The following GRIK2 variants were observed in gnomAD, a reference collection of about 807,000 sequenced individuals.
The protein encoded by GRIK2 is glutamate ionotropic receptor kainate type subunit 2.
In GRIK2, 32 loss-of-function variants were observed where a neutral mutation model predicts 100.3. That is an observed-to-expected ratio of 0.32 (90% CI 0.24 to 0.43). The LOEUF (loss-of-function observed/expected upper bound fraction) is 0.43. GRIK2 is among the 20% of genes least tolerant of loss of function. GRIK2 has a pLI of 1.00. For missense variants in GRIK2, 843 were observed against 1,114.9 expected (o/e 0.76, Z 3.47); for synonymous variants, 417 against 389.4 (o/e 1.07, Z -0.83).
chr6:101,494,867 G>A (rs1481418320), intron 2 of GRIK2, among the ~76,000 whole-genome samples: 1 of 151,066 alleles, frequency 6.6e-6, no homozygotes, highest in Non-Finnish European at 1.5e-5. Flanking sequence ...CTGGGAGGTG[G>A]AGGTTGTAGT....
rs190201685 is a variant in GRIK2, at chr6:101,817,559, G to A, written c.1204-811G>A. 2.6e-3 allele frequency among the ~76,000 whole-genome samples: 398 copies of A among 152,252 alleles called. 4 individuals are homozygous for A. The highest frequency in any genetic ancestry group is 3.8e-3 in the Admixed American group (58 of 15,288). ...CTGCTGATCATTGTTATATGATAGT[G>A]CAATGGTATAAGTGTCAATAAACCA... On this transcript the variant is annotated intron_variant, in intron 9 of 16. Coordinates refer to ENST00000369134, the MANE Select transcript of GRIK2 (RefSeq NM_021956.5).
At chr6:101,859,681 T>A (rs948634171) in intron 11 of GRIK2, among the ~76,000 whole-genome samples, 188 bp downstream of exon 11, 1 of 152,198 alleles carries the variant, frequency 6.6e-6, no homozygotes, top group Non-Finnish European at 1.5e-5. Flanking sequence ...TATATAGCCC[T>A]ATATATGTAA....
At chr6:101,530,486 A>C (rs1357584802) in intron 2 of GRIK2, among the ~76,000 whole-genome samples, 1 of 152,070 alleles carries the variant, frequency 6.6e-6, no homozygotes, top group Non-Finnish European at 1.5e-5. Context: ...TATTCACGAA[A>C]ATAATCTAGT....
chr6:101,894,722 A>G (rs549064478), intron 12 of GRIK2, among the ~76,000 whole-genome samples: 42 of 151,736 alleles, frequency 2.8e-4, no homozygotes, highest in Admixed American at 5.9e-4. Context: ...TAAAGCTACT[A>G]TTGATATAAT....
chr6:101,655,054 C>G (rs1246419332), intron 4 of GRIK2, among the ~76,000 whole-genome samples: 9 of 152,152 alleles, frequency 5.9e-5, no homozygotes, highest in Non-Finnish European at 1.0e-4. Context: ...AGTGATTCTT[C>G]TAGTTCTGGT....
chr6:101,700,470 C>A (rs901628718), intron 7 of GRIK2, among the ~76,000 whole-genome samples: 2 of 151,958 alleles, frequency 1.3e-5, no homozygotes, highest in African/African-American at 4.8e-5. Flanking sequence ...GATGTTAGAA[C>A]AGGAGAGTGC....
chr6:101,441,051 C>A (rs1770021182), intron 2 of GRIK2, among the ~76,000 whole-genome samples: 1 of 150,714 alleles, frequency 6.6e-6, no homozygotes. Flanking sequence ...AATCATAGCT[C>A]ACTGCAGCCT....
intron 10 of GRIK2, among the ~76,000 whole-genome samples, chr6:101,820,962 A>G (rs1427849413): frequency 6.6e-6 from 1 of 152,202 alleles, no homozygotes; most frequent in Non-Finnish European, 1.5e-5. Flanking sequence ...TCCACTTGAC[A>G]TAAGCTCTAT....
At chr6:101,406,140 A>G (rs1377038772) in intron 2 of GRIK2, among the ~76,000 whole-genome samples, 1 of 152,186 alleles carries the variant, frequency 6.6e-6, no homozygotes, top group Non-Finnish European at 1.5e-5. Flanking sequence ...TCAAAGTGAC[A>G]GTTACCTAAC....
At chr6:101,523,435 T>C (rs1774984542) in intron 2 of GRIK2, among the ~76,000 whole-genome samples, 1 of 152,138 alleles carries the variant, frequency 6.6e-6, no homozygotes, top group Non-Finnish European at 1.5e-5. Flanking sequence ...GAAGTAGAAG[T>C]ACAGCATAAG....
chr6:101,838,853 A>G (rs1026524636), intron 10 of GRIK2, among the ~76,000 whole-genome samples: 1 of 151,934 alleles, frequency 6.6e-6, no homozygotes, highest in African/African-American at 2.4e-5. Context: ...AGGTTTCACC[A>G]TTTTGGCCAG....
At chr6:101,487,355 G>A (rs571612981) in intron 2 of GRIK2, among the ~76,000 whole-genome samples, 2 of 146,400 alleles carry the variant, frequency 1.4e-5, no homozygotes, top group Non-Finnish European at 3.0e-5. Flanking sequence ...ACAAATGTGT[G>A]CAAATTTCTT....
chr6:101,809,285 T>C (rs1048660774), intron 9 of GRIK2, among the ~76,000 whole-genome samples: 1 of 152,054 alleles, frequency 6.6e-6, no homozygotes, highest in African/African-American at 2.4e-5. Flanking sequence ...TTATGTGTTC[T>C]AGAATTAGAA....
intron 2 of GRIK2, among the ~76,000 whole-genome samples, chr6:101,454,805 T>G (rs1392687623): frequency 6.6e-6 from 1 of 152,114 alleles, no homozygotes; most frequent in Non-Finnish European, 1.5e-5. Flanking sequence ...TGAGCATTGG[T>G]TTCAGTGCTC....
chr6:101,471,861 A>G (rs1245134449), intron 2 of GRIK2, among the ~76,000 whole-genome samples: 1 of 151,922 alleles, frequency 6.6e-6, no homozygotes, highest in Non-Finnish European at 1.5e-5. Flanking sequence ...TAATAGCTCA[A>G]GTTTAGTTTA....
In GRIK2 at chr6:101,799,733, A is replaced by C; in HGVS notation, c.1037A>C (p.Gln346Pro). 1 of 1,613,340 alleles carries C rather than the reference A, an allele frequency of 6.2e-7. No individual in the cohort carries two copies. The highest frequency in any genetic ancestry group is 8.5e-7 in the Non-Finnish European group (1 of 1,179,416). ...QFPQMTVSSL[Q>P]CNRHKPWRFG... is the part of the protein sequence containing the mutation. ...CCCCAGATGACAGTCAGTTCCTTGC[A>C]GTGTAATCGACATAAACCCTGGCGC... Residue 346 changes from glutamine (Q) to proline (P), a missense_variant, in exon 8 of 17, where the codon CAG becomes CCG. Physicochemically the swap from Gln to Pro is moderately conservative, Grantham distance 76. Coordinates refer to ENST00000369134, the MANE Select transcript of GRIK2 (RefSeq NM_021956.5).
At chr6:101,965,652 G>T (rs1389408843) in intron 14 of GRIK2, among the ~76,000 whole-genome samples, 3 of 152,116 alleles carry the variant, frequency 2.0e-5, no homozygotes, top group Non-Finnish European at 4.4e-5. Context: ...ATAATGTATT[G>T]ACATTTTATA....
intron 15 of GRIK2, among the ~76,000 whole-genome samples, chr6:102,047,409 TA>T (rs2114477642): frequency 6.6e-6 from 1 of 152,006 alleles, no homozygotes; most frequent in South Asian, 2.1e-4. Context: ...ACACAATAAG[TA>T]GAAAGATATC....
chr6:101,978,957 T>A (rs1457131427), intron 14 of GRIK2, among the ~76,000 whole-genome samples: 2 of 152,012 alleles, frequency 1.3e-5, no homozygotes, highest in African/African-American at 4.8e-5. Flanking sequence ...TATCTCCATA[T>A]GTTATCCTAA....
Sources: gnomAD v4.1 joint callset for allele counts (sites outside exome capture counted in the v4.1 genomes callset) on GRCh38, gnomAD v4.1.1 for gene constraint, MANE v1.5 for transcripts, NCBI Gene and HGNC (gene_info 2026-07-23, HGNC 2026-07-21) for gene names.